Variants in DOC2A observed in about 807,000 individuals in gnomAD.
The protein encoded by DOC2A is double C2-like domain-containing protein alpha.
A neutral mutation model predicts 40.6 loss-of-function variants in DOC2A; 28 were observed. That is an observed-to-expected ratio of 0.69 (90% CI 0.51 to 0.95). The LOEUF is 0.95. DOC2A is among the 40% of genes least tolerant of loss of function. The probability of loss-of-function intolerance (pLI) is 0.00; values close to 1 mark genes in which losing one functional copy is unlikely to be tolerated. For synonymous variants in DOC2A, 241 were observed against 236.9 expected, an observed-to-expected ratio of 1.02 and a Z score of -0.16; for missense variants, 474 against 552.5, an observed-to-expected ratio of 0.86 and a Z score of 1.42.
upstream of DOC2A, among the ~76,000 whole-genome samples, chr16:30,012,018 G>T (rs1187539957): frequency 1.3e-5 from 2 of 151,906 alleles, no homozygotes; most frequent in African/African-American, 4.8e-5. Flanking sequence ...CGCCTGCCAC[G>T]GAGTGTCAGT....
At chr16:30,022,830 C>T (rs1043649298), upstream of DOC2A, among the ~76,000 whole-genome samples, 1 of 151,918 alleles carries the variant, frequency 6.6e-6, no homozygotes, top group Non-Finnish European at 1.5e-5. Flanking sequence ...AGGGATTTAT[C>T]CAAAGCTGTA....
chr16:30,018,381 C>T (rs1296433248), intron 1 of DOC2A, among the ~76,000 whole-genome samples: 1 of 152,008 alleles, frequency 6.6e-6, no homozygotes, highest in African/African-American at 2.4e-5. Flanking sequence ...AGTGTAGCAG[C>T]ACGATCATGG....
At chr16:30,020,958 G>C (rs1396959102) in intron 1 of DOC2A, among the ~76,000 whole-genome samples, 1 of 151,982 alleles carries the variant, frequency 6.6e-6, no homozygotes, top group Non-Finnish European at 1.5e-5. Context: ...GGAGGTCGAG[G>C]CTGCACTCCA....
chr16:30,011,095 G>T, upstream of DOC2A: 1 of 866,868 alleles, frequency 1.2e-6, no homozygotes, highest in Non-Finnish European at 1.4e-6. Flanking sequence ...ACGGGGAGGG[G>T]CGCTGGGGCT....
upstream of DOC2A, among the ~76,000 whole-genome samples, chr16:30,012,979 A>T (rs1330990243): frequency 6.6e-6 from 1 of 151,864 alleles, no homozygotes; most frequent in Non-Finnish European, 1.5e-5. Flanking sequence ...CTGTAAGAGC[A>T]AAACTCAGTC....
At chr16:30,011,248 G>A, upstream of DOC2A, 1 of 895,156 alleles carries the variant, frequency 1.1e-6, no homozygotes, top group Non-Finnish European at 1.3e-6. Flanking sequence ...ATCCAACCGG[G>A]CACCCCCGCG....
chr16:30,010,475 C>T lies in DOC2A; in HGVS notation c.-13-240G>A, dbSNP rs971084377. ...TGCAGAAGTCGAGGTTGCACCACCC[C>T]GTCCTCACCCACCCACTTCTAGGTT... is the stretch of plus-strand genomic sequence containing the variant. On this transcript the variant is annotated intron_variant, in intron 1 of 10. Transcript: ENST00000350119. The surrounding 1 kb of genome is among the most constrained non-coding windows in gnomAD (Gnocchi z 4.2). 2 of 598,552 alleles carry T rather than the reference C, an allele frequency of 3.3e-6. No individual in the cohort carries two copies. Among genetic ancestry groups the T allele is most frequent in the Non-Finnish European group, 6.0e-6 (2 of 333,608 alleles). 37.1% of individuals were successfully genotyped at this position (598,552 alleles called of 1,614,324 possible).
chr16:30,012,908 T>C (rs965247283), upstream of DOC2A, among the ~76,000 whole-genome samples: 5 of 151,866 alleles, frequency 3.3e-5, no homozygotes, highest in Admixed American at 6.6e-5. Flanking sequence ...GGAGGATCGC[T>C]TGAACCCGGG....
rs758031751 is a variant in DOC2A, at chr16:30,010,225, A to C, written c.-3T>G. ...CGATCGCCCCTGCGGCCCCTCATGC[A>C]GCACCCCTGGCTAGGAGAGGGCGTG... On this transcript the variant is annotated 5_prime_UTR_variant, in exon 2 of 11. Transcript: ENST00000350119. The surrounding 1 kb of genome is among the most constrained non-coding windows in gnomAD (Gnocchi z 4.2). The C allele has an allele frequency of 6.2e-7, 1 of 1,613,646 alleles. No homozygotes were observed. Among genetic ancestry groups the C allele is most frequent in the Admixed American group, 1.7e-5 (1 of 60,024 alleles).
upstream of DOC2A, chr16:30,011,535 C>T (rs2070780500): frequency 8.7e-6 from 4 of 461,132 alleles, no homozygotes; most frequent in Non-Finnish European, 8.5e-6. Flanking sequence ...GCGACGCCGG[C>T]TCATCTCCCC....
chr16:30,016,822 C>A (rs971995550), upstream of DOC2A, among the ~76,000 whole-genome samples: 1 of 152,136 alleles, frequency 6.6e-6, no homozygotes, highest in Non-Finnish European at 1.5e-5. Context: ...GGAAGACAGA[C>A]AAATACACAG....
chr16:30,010,208 C>T lies in DOC2A; in HGVS notation c.15G>A (p.Arg5=), dbSNP rs751345208. MRGR[R]GDRMTINIQE... ...GGATGTTGATGGTCATGCGATCGCCCCTGCGGCCCCTCATGCAGCACCCCT... is the reference window on the plus strand; with the variant it reads ...GGATGTTGATGGTCATGCGATCGCCTCTGCGGCCCCTCATGCAGCACCCCT... Residue 5 remains arginine (R), a synonymous_variant, in exon 2 of 11, where the codon AGG becomes AGA. Coordinates refer to ENST00000350119, the MANE Select transcript of DOC2A (RefSeq NM_003586.3). The surrounding 1 kb of genome is among the most constrained non-coding windows in gnomAD (Gnocchi z 4.2). The T allele has an allele frequency of 4.3e-6, 7 of 1,613,912 alleles. No homozygotes were observed. The South Asian group carries it at 7.7e-5, about 18-fold the overall frequency.
chr16:30,007,283 C>T lies in DOC2A; in HGVS notation c.544G>A (p.Glu182Lys), dbSNP rs764708447. 1 of 1,613,932 alleles carries T rather than the reference C, an allele frequency of 6.2e-7. No homozygotes were observed. Among genetic ancestry groups the T allele is most frequent in the East Asian group, 2.2e-5 (1 of 44,874 alleles). The change falls in exon 6 of 11, where the codon GAG becomes AAG. Residue 182 changes from glutamate to lysine, a missense_variant. Transcript: ENST00000350119. Reference protein sequence around the residue: ...HKVLRIAVCDEDKLSHNEFIG... With the variant: ...HKVLRIAVCDKDKLSHNEFIG... Reference sequence around the variant, plus strand: ...AACTCATTGTGACTCAGCTTGTCCTCATCACAGACGGCGATCCTGGTCGGG... The same window carrying T: ...AACTCATTGTGACTCAGCTTGTCCTTATCACAGACGGCGATCCTGGTCGGG...
At chr16:30,008,759 G>A (rs946976391) in intron 5 of DOC2A, 16 of 482,052 alleles carry the variant, frequency 3.3e-5, no homozygotes, top group Non-Finnish European at 5.7e-5. Context: ...GCCCACCTCG[G>A]CCTCCCAAAG....
intron 1 of DOC2A, among the ~76,000 whole-genome samples, chr16:30,020,608 C>G (rs1020732428): frequency 2.6e-5 from 4 of 151,858 alleles, no homozygotes; most frequent in African/African-American, 9.7e-5. Flanking sequence ...TTTAGGAGGC[C>G]GCGGAGGGCA....
rs908602422 is a variant in DOC2A at position 30,006,946 on chromosome 16, C to T, written c.717G>A (p.Leu239=). 1 of 1,613,570 alleles carries T rather than the reference C, an allele frequency of 6.2e-7. No individual in the cohort carries two copies. The highest frequency in any genetic ancestry group is 8.5e-7 in the Non-Finnish European group (1 of 1,179,740). The change falls in exon 8 of 11, where the codon TTG becomes TTA. Residue 239 remains leucine, a splice_region_variant and synonymous_variant. Coordinates refer to ENST00000350119, the MANE Select transcript of DOC2A (RefSeq NM_003586.3). This position sits in a 1 kb window ranked among gnomAD's most constrained non-coding sequence, Gnocchi z 6.2. ...LRGISCYLKE[L]EQAEQGQGLL... The stretch of plus-strand genomic sequence containing the variant: ...GCCCCTGCCCCTGCTCCGCCTGCTC[C>T]AACTGCGGGGCACAGACTCAGGGTC...
rs1179350064 is a variant in DOC2A, at chr16:30,009,849, C to A, written c.262+112G>T. On this transcript the variant is annotated intron_variant, in intron 2 of 10. Transcript: ENST00000350119. The surrounding 1 kb of genome is among the most constrained non-coding windows in gnomAD (Gnocchi z 4.1). ...GCCGTCCCTGCCACCCCCCCACTGC[C>A]CTCCTCCCCTACCTACATGCACAGC... 1.6e-6 allele frequency: 2 copies of A among 1,266,260 alleles called. No individual in the cohort carries two copies. The highest frequency in any genetic ancestry group is 2.3e-6 in the Non-Finnish European group (2 of 886,270). The allele number at this position is 1,266,260 out of a possible 1,614,324, so 78.4% of individuals were successfully genotyped here.
Position 30,005,822 on chromosome 16 carries a change from TCTC to T in DOC2A, c.*361_*363del, listed in dbSNP as rs2070563008. The T allele has an allele frequency of 6.6e-6, 3 of 452,126 alleles. No individual in the cohort carries two copies. The highest frequency in any genetic ancestry group is 2.6e-5 in the South Asian group (1 of 37,852). 28.0% of individuals were successfully genotyped at this position (452,126 alleles called of 1,614,324 possible). ...TTTTTGTCCTTTTTTTTTGAGACAT[TCTC>T]CTCCTCTGAACCTCCCCTAATCCGA... On this transcript the variant is annotated 3_prime_UTR_variant, in exon 11 of 11. Transcript: ENST00000350119.
chr16:30,011,378 C>A (rs1449810032), upstream of DOC2A: 1 of 985,294 alleles, frequency 1.0e-6, no homozygotes. Context: ...GGGCTCCCTG[C>A]GCCACCAGGA....
Sources: gnomAD v4.1 joint callset for allele counts (sites outside exome capture counted in the v4.1 genomes callset) on GRCh38, gnomAD v4.1.1 for gene constraint, Gnocchi (gnomAD v3.1) non-coding constraint, MANE v1.5 for transcripts, NCBI Gene and HGNC (gene_info 2026-07-23, HGNC 2026-07-21) for gene names.